TEX14: variants seen among roughly 807,000 people sequenced by gnomAD.
TEX14 encodes the protein testis expressed 14, intercellular bridge forming factor.
A neutral mutation model predicts 178.6 loss-of-function variants in TEX14; 168 were observed. That is an observed-to-expected ratio of 0.94 (90% CI 0.83 to 1.07). TEX14 has a LOEUF of 1.07. Ranked by LOEUF, TEX14 falls within the 50% of genes least tolerant of loss-of-function variation. The probability of loss-of-function intolerance (pLI) is 0.00; values close to 1 mark genes in which losing one functional copy is unlikely to be tolerated. For synonymous variants in TEX14, 626 were observed against 634.1 expected (o/e 0.99, Z 0.19); for missense variants, 1,730 against 1,753.6 (o/e 0.99, Z 0.24).
chr17:58,571,232 TTTC>T (rs1386664284), intron 24 of TEX14, among the ~76,000 whole-genome samples: 5 of 90,508 alleles, frequency 5.5e-5, no homozygotes, highest in Non-Finnish European at 1.1e-4. Context: ...GTACTTTTCT[TTTC>T]TTTTTTTTTT....
rs151219812 is a variant in TEX14 at position 58,656,067 on chromosome 17, G to A, written c.-1-4065C>T. ...TGTAATCCTAGCACTTTGAGAGGCCGAAGTGGGTGGATCATCTGAGGTCAC... is the reference window on the plus strand; with the variant it reads ...TGTAATCCTAGCACTTTGAGAGGCCAAAGTGGGTGGATCATCTGAGGTCAC... On this transcript the variant is annotated intron_variant, in intron 1 of 31. Coordinates refer to ENST00000349033, the MANE Select transcript of TEX14 (RefSeq NM_031272.5). 5.2e-3 allele frequency among the ~76,000 whole-genome samples: 797 copies of A among 152,266 alleles called. 2 individuals are homozygous for A. The highest frequency in any genetic ancestry group is 0.01 in the Middle Eastern group (3 of 294).
chr17:58,631,806 C>G (rs958059258), intron 2 of TEX14: 24 of 151,962 alleles, frequency 1.6e-4, no homozygotes, highest in African/African-American at 4.1e-4. Flanking sequence ...GAGAAACACA[C>G]TATAGAAATT....
chr17:58,661,171 G>A (rs1268392756), intron 1 of TEX14: 3 of 808,836 alleles, frequency 3.7e-6, no homozygotes, highest in South Asian at 2.7e-5. Flanking sequence ...AAGCCGTGGA[G>A]GTAATAGCAC....
intron 1 of TEX14, among the ~76,000 whole-genome samples, chr17:58,681,371 G>A (rs1451655235): frequency 6.6e-6 from 1 of 152,078 alleles, no homozygotes; most frequent in Non-Finnish European, 1.5e-5. Context: ...AGGAGGTAGG[G>A]GATTCTGTGA....
At chr17:58,563,651 AT>A (rs2044325201) in intron 28 of TEX14, among the ~76,000 whole-genome samples, 1 of 26,750 alleles carries the variant, frequency 3.7e-5, no homozygotes, top group African/African-American at 2.2e-4. Context: ...ATATATATAT[AT>A]ATATATAGAG....
intron 16 of TEX14, 53 bp downstream of exon 16, chr17:58,587,843 A>AGG: frequency 8.9e-7 from 1 of 1,118,858 alleles, no homozygotes; most frequent in Non-Finnish European, 1.4e-6. Flanking sequence ...GGGTGCCAGA[A>AGG]CCCACCCCCA....
chr17:58,575,301 A>G (rs541439388), intron 21 of TEX14, among the ~76,000 whole-genome samples: 6 of 152,084 alleles, frequency 3.9e-5, no homozygotes, highest in African/African-American at 1.2e-4. Flanking sequence ...TTTTTAGTAG[A>G]GACGGGGTTT....
At chr17:58,605,533 A>G (rs2045586785) in intron 10 of TEX14, among the ~76,000 whole-genome samples, 1 of 152,180 alleles carries the variant, frequency 6.6e-6, no homozygotes, top group South Asian at 2.1e-4. Flanking sequence ...AGCTGTTCCA[A>G]TACCTGCAAT....
intron 1 of TEX14, chr17:58,661,128 G>T: frequency 1.2e-6 from 1 of 869,386 alleles, no homozygotes; most frequent in Non-Finnish European, 2.0e-6. Flanking sequence ...ATTTTAGCCT[G>T]TCTTTGAGAT....
rs759439753 is a variant in TEX14, at chr17:58,601,900, G to A, written c.1584C>T (p.Tyr528=). The part of the protein sequence containing the change: ...QPTESPRVQR[Y]GLHPDVNVYL... ...AGACATTGACATCGGGATGGAGTCC[G>A]TATCTCTGCACTCTGGGGCTCTCGG... Residue 528 remains tyrosine (Y), a synonymous_variant, in exon 13 of 32, where the codon TAC becomes TAT. Coordinates refer to ENST00000349033, the MANE Select transcript of TEX14 (RefSeq NM_031272.5). The A allele has an allele frequency of 1.1e-5, 17 of 1,613,232 alleles. No homozygotes were observed. In the East Asian group the frequency reaches 1.3e-4, roughly 13 times the overall value.
intron 9 of TEX14, 84 bp from the exon 10 acceptor site, chr17:58,611,423 C>G: frequency 1.0e-6 from 1 of 1,002,574 alleles, no homozygotes; most frequent in Non-Finnish European, 1.5e-6. Context: ...TCCAGTCTTT[C>G]CATATGATCC....
chr17:58,578,197 C>T (rs2044725700), intron 20 of TEX14, among the ~76,000 whole-genome samples: 1 of 152,168 alleles, frequency 6.6e-6, no homozygotes, highest in Non-Finnish European at 1.5e-5. Flanking sequence ...TGCCACCTTT[C>T]ACAGCTACCA....
chr17:58,613,251 T>G (rs899809367), intron 9 of TEX14, among the ~76,000 whole-genome samples, 170 bp downstream of exon 9: 1 of 151,176 alleles, frequency 6.6e-6, no homozygotes, highest in Non-Finnish European at 1.5e-5. Context: ...ATTCTGACCA[T>G]GTGCTTATCA....
intron 1 of TEX14, among the ~76,000 whole-genome samples, chr17:58,655,906 G>A (rs2046948073): frequency 6.6e-6 from 1 of 152,136 alleles, no homozygotes; most frequent in South Asian, 2.1e-4. Context: ...CCCTTCTCCT[G>A]ATCTGTTGGC....
At chr17:58,596,696 C>T (rs554400876) in intron 14 of TEX14, among the ~76,000 whole-genome samples, 1 of 150,292 alleles carries the variant, frequency 6.7e-6, no homozygotes, top group East Asian at 2.0e-4. Context: ...GCAGCCTGGG[C>T]AACATAGTGA....
chr17:58,594,474 C>T (rs1173362779), intron 14 of TEX14, among the ~76,000 whole-genome samples: 2 of 151,856 alleles, frequency 1.3e-5, no homozygotes, highest in Non-Finnish European at 2.9e-5. Context: ...ACTCAGCCTC[C>T]TGAGTAGCTG....
At chr17:58,604,734 T>C (rs1431307988) in intron 11 of TEX14, among the ~76,000 whole-genome samples, 2 of 151,920 alleles carry the variant, frequency 1.3e-5, no homozygotes, top group Non-Finnish European at 2.9e-5. Context: ...CTAATTTTTG[T>C]ATTTTTAGTA....
chr17:58,669,611 G>A lies in TEX14; in HGVS notation c.-1-17609C>T, dbSNP rs528614375. ...TAGCCAGGTGTGGTGGCGCATGCCTGTAATCCCAGCTACTCAGGAGGCTGA... is the reference window on the plus strand; with the variant it reads ...TAGCCAGGTGTGGTGGCGCATGCCTATAATCCCAGCTACTCAGGAGGCTGA... On this transcript the variant is annotated intron_variant, in intron 1 of 31. Coordinates refer to ENST00000349033, the MANE Select transcript of TEX14 (RefSeq NM_031272.5). Among the ~76,000 whole-genome samples, 6 of 147,126 alleles carry A rather than the reference G, an allele frequency of 4.1e-5. 1 individual carries two copies. The South Asian group carries it at 1.3e-3, about 32-fold the overall frequency.
intron 1 of TEX14, among the ~76,000 whole-genome samples, chr17:58,684,854 T>TA (rs746833737): frequency 2.6e-5 from 4 of 151,860 alleles, no homozygotes; most frequent in Non-Finnish European, 4.4e-5. Context: ...CTCACACCTG[T>TA]AATCTCAGCT....
Sources: allele counts gnomAD v4.1 joint callset (sites outside exome capture counted in the v4.1 genomes callset), GRCh38; gene constraint gnomAD v4.1.1; transcripts MANE v1.5; gene names NCBI Gene and HGNC (gene_info 2026-07-23, HGNC 2026-07-21).